The following MACROD2 variants were observed in gnomAD, a reference collection of about 807,000 sequenced individuals.
The protein encoded by MACROD2 is mono-ADP ribosylhydrolase 2.
A neutral mutation model predicts 70.4 loss-of-function variants in MACROD2; 36 were observed. The observed-to-expected ratio is 0.51, with a 90% CI of 0.39 to 0.68. The LOEUF (loss-of-function observed/expected upper bound fraction) is 0.68. MACROD2 is among the 30% of genes least tolerant of loss of function. The probability of loss-of-function intolerance (pLI) is 0.00; values close to 1 mark genes in which losing one functional copy is unlikely to be tolerated. For synonymous variants in MACROD2, 172 were observed against 178.8 expected, an observed-to-expected ratio of 0.96 and a Z score of 0.30; for missense variants, 496 against 538.4, an observed-to-expected ratio of 0.92 and a Z score of 0.78.
Position 16,002,709 on chromosome 20 carries a change from AAGACCCATTTC to A in MACROD2, c.1153+15556_1153+15566del, listed in dbSNP as rs2066727420. On this transcript the variant is annotated intron_variant, in intron 15 of 17. Transcript: ENST00000684519. ...GCTGACACCTTGACGCTAGCCTCAT[AAGACCCATTTC>A]AGACATCTGGCCTCCAGAACTGTAA... Among the ~76,000 whole-genome samples the A allele has an allele frequency of 2.0e-5, 3 of 152,206 alleles. No individual in the cohort carries two copies. In the South Asian group the frequency reaches 6.2e-4, roughly 32 times the overall value.
chr20:15,472,580 T>G (rs1375458341), intron 7 of MACROD2, among the ~76,000 whole-genome samples: 1 of 152,198 alleles, frequency 6.6e-6, no homozygotes, highest in Non-Finnish European at 1.5e-5. Context: ...TGCTCATAAC[T>G]ATTTCTTTCA....
At chr20:15,444,309 G>A (rs2046533875) in intron 7 of MACROD2, among the ~76,000 whole-genome samples, 1 of 152,148 alleles carries the variant, frequency 6.6e-6, no homozygotes, top group South Asian at 2.1e-4. Context: ...TTCAGGATAT[G>A]TGCACTGTTT....
intron 3 of MACROD2, among the ~76,000 whole-genome samples, chr20:14,464,439 G>T (rs1467647037): frequency 6.6e-6 from 1 of 151,856 alleles, no homozygotes; most frequent in Non-Finnish European, 1.5e-5. Context: ...TTCTTTATGA[G>T]TCTTGCTAGC....
At chr20:15,085,303 A>G (rs955775173) in intron 5 of MACROD2, among the ~76,000 whole-genome samples, 1 of 152,184 alleles carries the variant, frequency 6.6e-6, no homozygotes, top group African/African-American at 2.4e-5. Context: ...AAGAGAATTT[A>G]GGGATGCATT....
chr20:15,216,138 T>C (rs1317331454), intron 5 of MACROD2, among the ~76,000 whole-genome samples: 1 of 152,080 alleles, frequency 6.6e-6, no homozygotes, highest in Non-Finnish European at 1.5e-5. Flanking sequence ...TTGATAATAG[T>C]ACAAAGGAAC....
chr20:15,740,566 C>A (rs1213643780), intron 8 of MACROD2, among the ~76,000 whole-genome samples: 1 of 152,138 alleles, frequency 6.6e-6, no homozygotes, highest in Admixed American at 6.5e-5. Flanking sequence ...TAAAGCTATA[C>A]TTCTTGTCCA....
At chr20:15,868,759 A>C (rs1457274559) in intron 9 of MACROD2, among the ~76,000 whole-genome samples, 3 of 152,054 alleles carry the variant, frequency 2.0e-5, no homozygotes, top group African/African-American at 7.2e-5. Flanking sequence ...GACTGAAAAA[A>C]CTACCAACTA....
chr20:15,070,911 GA>G (rs34723701), intron 5 of MACROD2, among the ~76,000 whole-genome samples: 5,755 of 127,792 alleles, frequency 0.045, 113 homozygotes, highest in Middle Eastern at 0.071. Context: ...TTTGTTTTTG[GA>G]AAAAAAAAAA....
intron 7 of MACROD2, among the ~76,000 whole-genome samples, chr20:15,470,480 G>A (rs1052249076): frequency 3.9e-5 from 6 of 152,126 alleles, no homozygotes; most frequent in Admixed American, 3.9e-4. Context: ...ACAGGGGTTG[G>A]AGGGGGAAAC....
chr20:14,666,676 C>A, intron 4 of MACROD2, among the ~76,000 whole-genome samples: 1 of 151,768 alleles, frequency 6.6e-6, no homozygotes, highest in East Asian at 1.9e-4. Context: ...TTTTGAGTTT[C>A]TTTTCTTAAT....
chr20:15,180,588 G>C (rs767298728), intron 5 of MACROD2, among the ~76,000 whole-genome samples: 1 of 152,156 alleles, frequency 6.6e-6, no homozygotes, highest in African/African-American at 2.4e-5. Flanking sequence ...TGCATGCACC[G>C]TGCCCTCTCT....
chr20:15,763,327 T>C (rs1039107366), intron 8 of MACROD2, among the ~76,000 whole-genome samples: 5 of 152,094 alleles, frequency 3.3e-5, no homozygotes, highest in African/African-American at 9.7e-5. Context: ...GTGAGTTGAA[T>C]TGGGAAGTAA....
chr20:14,217,578 G>T (rs562781220), intron 3 of MACROD2, among the ~76,000 whole-genome samples: 64 of 152,180 alleles, frequency 4.2e-4, no homozygotes, highest in Admixed American at 2.1e-3. Flanking sequence ...GTTTCAAAAG[G>T]ATTGGTACCA....
At chr20:15,636,915 T>C (rs946145828) in intron 8 of MACROD2, among the ~76,000 whole-genome samples, 8 of 151,676 alleles carry the variant, frequency 5.3e-5, no homozygotes, top group African/African-American at 1.5e-4. Flanking sequence ...TACAGAGAGG[T>C]AAGAAATTTT....
chr20:14,456,936 C>T (rs1187006370), intron 3 of MACROD2, among the ~76,000 whole-genome samples: 1 of 151,910 alleles, frequency 6.6e-6, no homozygotes, highest in Non-Finnish European at 1.5e-5. Flanking sequence ...CCAGGATGGT[C>T]TTGATCTCCT....
intron 3 of MACROD2, among the ~76,000 whole-genome samples, chr20:14,089,811 A>T (rs946576249): frequency 6.6e-6 from 1 of 152,212 alleles, no homozygotes; most frequent in Non-Finnish European, 1.5e-5. Context: ...ACAGAGTCCT[A>T]TGAACCCTGT....
chr20:15,743,422 A>G (rs866109480), intron 8 of MACROD2, among the ~76,000 whole-genome samples: 5 of 152,118 alleles, frequency 3.3e-5, no homozygotes, highest in South Asian at 2.1e-4. Context: ...GCAGCCTAGG[A>G]AAAAAGGGTA....
At chr20:14,956,631 G>A (rs186327001) in intron 5 of MACROD2, among the ~76,000 whole-genome samples, 5 of 152,242 alleles carry the variant, frequency 3.3e-5, no homozygotes. Flanking sequence ...TTGTGACTGA[G>A]GACATAACCA....
At chr20:15,375,115 T>G (rs930360898) in intron 6 of MACROD2, among the ~76,000 whole-genome samples, 1 of 152,226 alleles carries the variant, frequency 6.6e-6, no homozygotes, top group Non-Finnish European at 1.5e-5. Context: ...TTCAACTGTC[T>G]ATATAAATCA....
Sources: allele counts gnomAD v4.1 joint callset (sites outside exome capture counted in the v4.1 genomes callset), GRCh38; gene constraint gnomAD v4.1.1; transcripts MANE v1.5; gene names NCBI Gene and HGNC (gene_info 2026-07-23, HGNC 2026-07-21).